KIF5C: variants seen among roughly 807,000 people sequenced by gnomAD.
KIF5C encodes the protein kinesin heavy chain isoform 5C.
A neutral mutation model predicts 125.2 loss-of-function variants in KIF5C; 18 were observed. That is an observed-to-expected ratio of 0.14 (90% CI 0.10 to 0.21). The LOEUF is 0.21. Ranked by LOEUF, KIF5C falls within the 10% of genes least tolerant of loss-of-function variation. The probability of loss-of-function intolerance (pLI) is 1.00; values close to 1 mark genes in which losing one functional copy is unlikely to be tolerated. For missense variants in KIF5C, 780 were observed against 1,183.8 expected, an observed-to-expected ratio of 0.66 and a Z score of 5.01; for synonymous variants, 405 against 434.0, an observed-to-expected ratio of 0.93 and a Z score of 0.83.
chr2:148,954,711 A>C (rs1279655519), intron 10 of KIF5C, among the ~76,000 whole-genome samples: 1 of 152,236 alleles, frequency 6.6e-6, no homozygotes, highest in East Asian at 1.9e-4. Flanking sequence ...CCTGATGTGC[A>C]CTTAAAAAAG....
chr2:148,893,719 G>T (rs921837633), intron 1 of KIF5C, among the ~76,000 whole-genome samples: 1 of 152,112 alleles, frequency 6.6e-6, no homozygotes, highest in African/African-American at 2.4e-5. Flanking sequence ...TTCCGAATGG[G>T]TACACATAAT....
At chr2:149,007,190 T>C (rs1299858773) in intron 22 of KIF5C, among the ~76,000 whole-genome samples, 2 of 152,124 alleles carry the variant, frequency 1.3e-5, no homozygotes, top group East Asian at 1.9e-4. Context: ...TTTGGGGAGC[T>C]CAGTTTTAGA....
At chr2:148,980,164 C>T (rs952800915) in intron 13 of KIF5C, among the ~76,000 whole-genome samples, 1 of 152,124 alleles carries the variant, frequency 6.6e-6, no homozygotes, top group African/African-American at 2.4e-5. Context: ...ACCTCCCCTG[C>T]CCAAACACTT....
intron 12 of KIF5C, among the ~76,000 whole-genome samples, chr2:148,974,875 G>A (rs899687269): frequency 5.9e-5 from 9 of 152,180 alleles, no homozygotes; most frequent in African/African-American, 1.9e-4. Context: ...CCTGCATGGC[G>A]GAATCGGGAT....
chr2:148,953,944 A>G (rs1682730010), intron 10 of KIF5C, among the ~76,000 whole-genome samples: 1 of 152,140 alleles, frequency 6.6e-6, no homozygotes. Context: ...GGTTTGTTAT[A>G]TAGGTATACA....
intron 1 of KIF5C, chr2:148,885,550 A>G (rs1681493855): frequency 6.6e-6 from 1 of 152,238 alleles, no homozygotes; most frequent in African/African-American, 2.4e-5. Flanking sequence ...CCGCCAGTGC[A>G]TACCCATCCT....
At chr2:148,886,125 CCTTTTACAGCCA>C (rs1347662384) in intron 1 of KIF5C, 27 of 152,250 alleles carry the variant, frequency 1.8e-4, no homozygotes, top group African/African-American at 6.5e-4. Context: ...CTTTTGTTCC[CCTTTTACAGCCA>C]CCTCTTGTCC....
At chr2:148,927,463 A>C (rs1174534875) in intron 2 of KIF5C, among the ~76,000 whole-genome samples, 1 of 150,730 alleles carries the variant, frequency 6.6e-6, no homozygotes, top group Non-Finnish European at 1.5e-5. Context: ...ACAGAGGCTT[A>C]AGACAAGGAA....
chr2:148,970,717 A>G (rs1272733552), intron 11 of KIF5C, among the ~76,000 whole-genome samples: 1 of 152,134 alleles, frequency 6.6e-6, no homozygotes, highest in Non-Finnish European at 1.5e-5. Context: ...CAGGCCTGTG[A>G]CTTTGGTTAG....
At chr2:148,998,041 G>A in intron 18 of KIF5C, 1 of 267,208 alleles carries the variant, frequency 3.7e-6, no homozygotes, top group South Asian at 5.6e-5. Context: ...AGGGAGTGCA[G>A]CTCACACAGG....
chr2:148,946,885 A>G lies in KIF5C; in HGVS notation c.590-14A>G, dbSNP rs1266293333. 5 of 1,610,748 alleles carry G rather than the reference A, an allele frequency of 3.1e-6. No homozygotes were observed. Among genetic ancestry groups the G allele is most frequent in the Non-Finnish European group, 4.2e-6 (5 of 1,179,260 alleles). ...CATGTTCTTTGTAGAGCAGTAAACT[A>G]TTTTCCTTTTCAGACATGAATGAAC... On this transcript the variant is annotated splice_polypyrimidine_tract_variant and intron_variant, in intron 7 of 25. Transcript: ENST00000435030.
chr2:149,007,956 AAT>A lies in KIF5C; in HGVS notation c.2446-6_2446-5del, dbSNP rs769650413. On this transcript the variant is annotated splice_polypyrimidine_tract_variant and splice_region_variant and intron_variant, in intron 22 of 25. Coordinates refer to ENST00000435030, the MANE Select transcript of KIF5C (RefSeq NM_004522.3). The stretch of plus-strand genomic sequence containing the variant: ...CCTGTCCTGCTGACCCCTTGGTGTC[AAT>A]GCAGAGTGTGGAGTTGGACAACGAT... The A allele has an allele frequency of 6.3e-7, 1 of 1,593,516 alleles. No individual in the cohort carries two copies. The highest frequency in any genetic ancestry group is 8.6e-7 in the Non-Finnish European group (1 of 1,165,724).
At position 148,942,693 on chromosome 2, in the gene KIF5C, G is replaced by T. The variant is rs767495708; in HGVS notation, c.522G>T (p.Val174=). The T allele has an allele frequency of 2.5e-6, 4 of 1,611,126 alleles. No individual in the cohort carries two copies. The highest frequency in any genetic ancestry group is 4.5e-5 in the East Asian group (2 of 44,824). The change falls in exon 7 of 26, where the codon GTG becomes GTT. Residue 174 remains valine, a synonymous_variant. Transcript: ENST00000435030. Reference sequence around the variant, plus strand: ...TCCAGGGGTGCACTGAGCGGTTTGTGTCGAGCCCTGAGGAAGTCATGGATG... The same window carrying T: ...TCCAGGGGTGCACTGAGCGGTTTGTTTCGAGCCCTGAGGAAGTCATGGATG... ...PYVKGCTERF[V]SSPEEVMDVI...
At chr2:148,930,367 C>T (rs1476900234) in intron 3 of KIF5C, among the ~76,000 whole-genome samples, 1 of 151,534 alleles carries the variant, frequency 6.6e-6, no homozygotes. Flanking sequence ...CCTATAGGGC[C>T]TTCAGAGCCT....
In KIF5C at chr2:149,024,515, A is replaced by AGTGTGTGTGTGTGTGTGTGTGTGT. The variant is rs10577971; in HGVS notation, c.*1468_*1491dup. The stretch of plus-strand genomic sequence containing the variant: ...GACTGTGTGGGTCGAAGGTAGCTCA[A>AGTGTGTGTGTGTGTGTGTGTGTGT]GTGTGTGTGTGTGTGTGTGTGTGTG... On this transcript the variant is annotated 3_prime_UTR_variant, in exon 26 of 26. Coordinates refer to ENST00000435030, the MANE Select transcript of KIF5C (RefSeq NM_004522.3). 1 of 128,630 alleles carries AGTGTGTGTGTGTGTGTGTGTGTGT rather than the reference A, an allele frequency of 7.8e-6. No individual in the cohort carries two copies. Among genetic ancestry groups the AGTGTGTGTGTGTGTGTGTGTGTGT allele is most frequent in the East Asian group, 2.3e-4 (1 of 4,318 alleles). The allele number at this position is 128,630 out of a possible 1,614,324, so 8.0% of individuals were successfully genotyped here. A position where few individuals can be genotyped will look rare whatever the true frequency, so the allele number is the denominator to read the frequency against.
In KIF5C at chr2:148,992,479, G is replaced by A. The variant is rs535841232; in HGVS notation, c.1905+1281G>A. Among the ~76,000 whole-genome samples, 3 of 152,178 alleles carry A rather than the reference G, an allele frequency of 2.0e-5. No homozygotes were observed. The South Asian group carries it at 6.2e-4, about 32-fold the overall frequency. Reference sequence around the variant, plus strand: ...AAAATATTAAAAGCTTTTATGCAAGGTATTGAAGACAGTGTTATTTTGCAT... The same window carrying A: ...AAAATATTAAAAGCTTTTATGCAAGATATTGAAGACAGTGTTATTTTGCAT... On this transcript the variant is annotated intron_variant, in intron 16 of 25. Coordinates refer to ENST00000435030, the MANE Select transcript of KIF5C (RefSeq NM_004522.3).
At chr2:148,910,712 A>C (rs138933079) in intron 1 of KIF5C, among the ~76,000 whole-genome samples, 128 of 152,362 alleles carry the variant, frequency 8.4e-4, no homozygotes, top group Middle Eastern at 3.4e-3. Flanking sequence ...GCATCCTAGC[A>C]AGCTCTTTTA....
intron 10 of KIF5C, among the ~76,000 whole-genome samples, chr2:148,952,009 A>G (rs1286236327): frequency 6.6e-6 from 1 of 152,132 alleles, no homozygotes; most frequent in Non-Finnish European, 1.5e-5. Flanking sequence ...TAGACCTAAT[A>G]TATCTTTTAA....
chr2:148,949,865 T>A lies in KIF5C; in HGVS notation c.741T>A (p.Ala247=), dbSNP rs768378090. The change falls in exon 9 of 26, where the codon GCT becomes GCA. Residue 247 remains alanine (A), a synonymous_variant. Transcript: ENST00000435030. ...TCAGCAAAACTGGTGCCGAGGGAGC[T>A]GTTCTTGACGAAGCTAAAAATATCA... is the stretch of plus-strand genomic sequence containing the variant. The part of the protein sequence containing the change: ...EKVSKTGAEG[A]VLDEAKNINK... 1.2e-6 allele frequency: 2 copies of A among 1,613,898 alleles called. No individual in the cohort carries two copies. Among genetic ancestry groups the A allele is most frequent in the Non-Finnish European group, 1.7e-6 (2 of 1,179,852 alleles).
Sources: allele counts gnomAD v4.1 joint callset (sites outside exome capture counted in the v4.1 genomes callset), GRCh38; gene constraint gnomAD v4.1.1; transcripts MANE v1.5; gene names NCBI Gene and HGNC (gene_info 2026-07-23, HGNC 2026-07-21).